CAMKMT: variants seen among roughly 807,000 people sequenced by gnomAD.
The protein encoded by CAMKMT is CaM KMT.
In CAMKMT, 53 loss-of-function variants were observed where a neutral mutation model predicts 48.0. The ratio of observed to expected loss-of-function variants is 1.10; its 90% confidence interval spans 0.89 to 1.39. CAMKMT has a LOEUF of 1.39. Among genes scored for constraint, CAMKMT ranks in the 40% most tolerant of loss-of-function variants. The probability of loss-of-function intolerance (pLI) is 0.00; values close to 1 mark genes in which losing one functional copy is unlikely to be tolerated. For missense variants in CAMKMT, 428 were observed against 402.7 expected (o/e 1.06, Z -0.54); for synonymous variants, 165 against 152.3 (o/e 1.08, Z -0.61).
intron 3 of CAMKMT, among the ~76,000 whole-genome samples, chr2:44,666,765 A>C (rs1314274338): frequency 1.3e-5 from 2 of 152,212 alleles, no homozygotes; most frequent in African/African-American, 2.4e-5. Flanking sequence ...GCGAGCCGCC[A>C]TGCCCGGCTA....
At chr2:44,510,731 C>G (rs977493910) in intron 3 of CAMKMT, among the ~76,000 whole-genome samples, 1 of 152,030 alleles carries the variant, frequency 6.6e-6, no homozygotes, top group Non-Finnish European at 1.5e-5. Context: ...GTGGTGATTT[C>G]TGAGATTTTA....
At chr2:44,735,845 G>A (rs1047107967) in intron 7 of CAMKMT, among the ~76,000 whole-genome samples, 10 of 152,018 alleles carry the variant, frequency 6.6e-5, no homozygotes, top group African/African-American at 2.2e-4. Context: ...CCTGGGAGGC[G>A]GAGGCTGCAG....
chr2:44,754,802 T>A (rs1205581182), intron 9 of CAMKMT, among the ~76,000 whole-genome samples: 1 of 152,010 alleles, frequency 6.6e-6, no homozygotes, highest in African/African-American at 2.4e-5. Context: ...AACGGAGAGT[T>A]AATATACATC....
intron 3 of CAMKMT, among the ~76,000 whole-genome samples, chr2:44,575,031 C>T (rs1476161925): frequency 6.6e-6 from 1 of 151,972 alleles, no homozygotes; most frequent in Non-Finnish European, 1.5e-5. Flanking sequence ...GCTGGGATTA[C>T]ATTGTGAGCC....
chr2:44,383,864 C>T (rs950582167), intron 2 of CAMKMT, among the ~76,000 whole-genome samples: 1 of 152,114 alleles, frequency 6.6e-6, no homozygotes, highest in Non-Finnish European at 1.5e-5. Context: ...GTTTCTTTAT[C>T]CACTCGTTGA....
intron 3 of CAMKMT, among the ~76,000 whole-genome samples, chr2:44,543,424 A>G (rs1667237170): frequency 6.6e-6 from 1 of 152,200 alleles, no homozygotes; most frequent in African/African-American, 2.4e-5. Flanking sequence ...TTAATATAAA[A>G]TAGTCTCTTT....
chr2:44,641,827 G>C (rs920284975), intron 3 of CAMKMT, among the ~76,000 whole-genome samples: 2 of 152,162 alleles, frequency 1.3e-5, no homozygotes, highest in South Asian at 4.1e-4. Flanking sequence ...CAAAGTGCTG[G>C]GATTATAGGC....
Position 44,650,979 on chromosome 2 carries a change from T to G in CAMKMT, c.377-53304T>G, listed in dbSNP as rs537547406. On this transcript the variant is annotated intron_variant, in intron 3 of 10. Coordinates refer to ENST00000378494, the MANE Select transcript of CAMKMT (RefSeq NM_024766.5). Reference sequence around the variant, plus strand: ...AGCTGGTCAAAGGATGTGGCCAATCTAAAAACACCAGGTTTGTTAAGCAAG... The same window carrying G: ...AGCTGGTCAAAGGATGTGGCCAATCGAAAAACACCAGGTTTGTTAAGCAAG... 2.0e-5 allele frequency among the ~76,000 whole-genome samples: 3 copies of G among 152,330 alleles called. No individual in the cohort carries two copies. In the South Asian group the frequency reaches 6.2e-4, roughly 32 times the overall value.
intron 3 of CAMKMT, among the ~76,000 whole-genome samples, chr2:44,543,159 T>G (rs541183032): frequency 4.0e-4 from 61 of 152,332 alleles, no homozygotes; most frequent in South Asian, 3.5e-3. Context: ...GGGGCACACT[T>G]TCTCCCAATT....
intron 6 of CAMKMT, among the ~76,000 whole-genome samples, chr2:44,711,036 C>T (rs1677850058): frequency 6.6e-6 from 1 of 152,158 alleles, no homozygotes; most frequent in Admixed American, 6.5e-5. Flanking sequence ...CCTGGTTTAA[C>T]ATTATTTTTA....
At chr2:44,764,363 A>T (rs1402563469) in intron 9 of CAMKMT, among the ~76,000 whole-genome samples, 4 of 152,116 alleles carry the variant, frequency 2.6e-5, no homozygotes, top group Non-Finnish European at 5.9e-5. Flanking sequence ...GGTGGTGTAG[A>T]TCTTTCTAAT....
intron 3 of CAMKMT, among the ~76,000 whole-genome samples, chr2:44,679,008 G>C (rs1364010440): frequency 6.6e-6 from 1 of 152,042 alleles, no homozygotes; most frequent in African/African-American, 2.4e-5. Flanking sequence ...AGTTGATTTG[G>C]TCCCAAAAGA....
At chr2:44,537,377 CAGT>C (rs1384528511) in intron 3 of CAMKMT, among the ~76,000 whole-genome samples, 2 of 152,114 alleles carry the variant, frequency 1.3e-5, no homozygotes, top group African/African-American at 4.8e-5. Flanking sequence ...ATACATTTAT[CAGT>C]AGAAGACATA....
intron 3 of CAMKMT, among the ~76,000 whole-genome samples, chr2:44,485,870 C>T (rs1488056272): frequency 6.6e-6 from 1 of 152,178 alleles, no homozygotes; most frequent in Non-Finnish European, 1.5e-5. Flanking sequence ...ATGCTTACCT[C>T]TGGGGAAGAG....
intron 3 of CAMKMT, among the ~76,000 whole-genome samples, chr2:44,452,083 G>A (rs1466448513): frequency 1.3e-5 from 2 of 151,776 alleles, no homozygotes; most frequent in Admixed American, 6.6e-5. Context: ...ATTTTAGCTG[G>A]TGGTTTAAAA....
intron 8 of CAMKMT, among the ~76,000 whole-genome samples, chr2:44,745,643 T>G (rs1304818857): frequency 6.8e-6 from 1 of 147,370 alleles, no homozygotes; most frequent in Non-Finnish European, 1.5e-5. Flanking sequence ...GCATGAATTG[T>G]TTTTTTTTTT....
At chr2:44,753,953 C>CT (rs1283184825) in intron 8 of CAMKMT, 102 bp from the exon 9 acceptor site, 9 of 779,248 alleles carry the variant, frequency 1.2e-5, no homozygotes, top group Non-Finnish European at 1.7e-5. Context: ...TCTTTTTTAG[C>CT]GTTGGGTAAA....
Position 44,575,019 on chromosome 2 carries a change from G to A in CAMKMT, c.377-129264G>A, listed in dbSNP as rs184403503. ...GATCCACCCACCTTAGCCTCCCAAA[G>A]TGCTGGGATTACATTGTGAGCCACC... On this transcript the variant is annotated intron_variant, in intron 3 of 10. Coordinates refer to ENST00000378494, the MANE Select transcript of CAMKMT (RefSeq NM_024766.5). 6.0e-4 allele frequency among the ~76,000 whole-genome samples: 91 copies of A among 151,984 alleles called. 1 individual carries two copies. Among genetic ancestry groups the A allele is most frequent in the Admixed American group, 4.3e-3 (65 of 15,268 alleles).
intron 3 of CAMKMT, among the ~76,000 whole-genome samples, chr2:44,584,273 A>G (rs1359328415): frequency 6.6e-6 from 1 of 152,224 alleles, no homozygotes; most frequent in Non-Finnish European, 1.5e-5. Context: ...ACTGACTGAC[A>G]AAAATAAACC....
Sources: gnomAD v4.1 joint callset for allele counts (sites outside exome capture counted in the v4.1 genomes callset) on GRCh38, gnomAD v4.1.1 for gene constraint, MANE v1.5 for transcripts, NCBI Gene and HGNC (gene_info 2026-07-23, HGNC 2026-07-21) for gene names.